Variants in KRT72 observed in about 807,000 individuals in gnomAD.
The protein encoded by KRT72 is keratin, type II cytoskeletal 72.
In KRT72, 44 loss-of-function variants were observed where a neutral mutation model predicts 44.7. The observed-to-expected ratio is 0.98, with a 90% confidence interval of 0.77 to 1.27. The LOEUF is 1.27. KRT72 is among the 50% of genes most tolerant of loss of function. KRT72 has a pLI of 0.00. For missense variants in KRT72, 736 were observed against 667.1 expected, an observed-to-expected ratio of 1.10 and a Z score of -1.14; for synonymous variants, 302 against 280.4, an observed-to-expected ratio of 1.08 and a Z score of -0.77.
Position 52,586,124 on chromosome 12 carries a change from A to G in KRT72, c.1394T>C (p.Met465Thr). 6.2e-7 allele frequency: 1 copy of G among 1,614,150 alleles called. No individual in the cohort carries two copies. The highest frequency in any genetic ancestry group is 1.3e-5 in the African/African-American group (1 of 75,074). Reference protein sequence around the residue: ...NAGAGGAGFSMGFGASSSYSY... With the variant: ...NAGAGGAGFSTGFGASSSYSY... ...ATAACTGCTTGAGGCGCCAAAGCCC[A>G]TGCTGAAGCCAGCCCCTCCTGCCCC... The change falls in exon 9 of 9, where the codon ATG becomes ACG. Residue 465 changes from methionine to threonine, a missense_variant. Transcript: ENST00000293745.
At chr12:52,591,369 C>CACACAT in intron 5 of KRT72, 95 bp downstream of exon 5, 1 of 1,358,456 alleles carries the variant, frequency 7.4e-7, no homozygotes, top group Non-Finnish European at 1.0e-6. Flanking sequence ...TACACACACA[C>CACACAT]ACACAAACAC....
At position 52,592,276 on chromosome 12, in the gene KRT72, G is replaced by A. The variant is rs184654666; in HGVS notation, c.798+120C>T. On this transcript the variant is annotated intron_variant, in intron 4 of 8. Transcript: ENST00000293745. ...CCAGTAGGGCCTTGGTGAATGTCAG[G>A]GGCACCAGGTTGAAAGCTTTCTCCC... 13 of 713,402 alleles carry A rather than the reference G, an allele frequency of 1.8e-5. 1 individual carries two copies. In the South Asian group the frequency reaches 1.9e-4, roughly 10 times the overall value. 44.2% of individuals were successfully genotyped at this position (713,402 alleles called of 1,614,324 possible). A position where few individuals can be genotyped will look rare whatever the true frequency, so the allele number is the denominator to read the frequency against.
rs1171878278 is a variant in KRT72 at position 52,601,275 on chromosome 12, G to C, written c.178C>G (p.Leu60Val). 1 of 1,554,814 alleles carries C rather than the reference G, an allele frequency of 6.4e-7. No individual in the cohort carries two copies. The highest frequency in any genetic ancestry group is 8.7e-7 in the Non-Finnish European group (1 of 1,150,442). The stretch of plus-strand genomic sequence containing the variant: ...CCGCCCCGCCGTGCAGCAGCGCTGA[G>C]CGCCAGGCTTCGGCTGCCCCCAAGG... ...SCLGGSRSLA[L>V]SAAARRGGGR... Residue 60 changes from leucine (L) to valine (V), a missense_variant, in exon 1 of 9, where the codon CTC becomes GTC. Physicochemically the swap from Leu to Val is conservative, Grantham distance 32 (BLOSUM62 1). Coordinates refer to ENST00000293745, the MANE Select transcript of KRT72 (RefSeq NM_080747.3).
intron 6 of KRT72, among the ~76,000 whole-genome samples, chr12:52,590,532 C>A (rs148903316): frequency 6.6e-6 from 1 of 152,344 alleles, no homozygotes; most frequent in East Asian, 1.9e-4. Context: ...CTGTGCACAT[C>A]ACTACCTAGG....
intron 2 of KRT72, among the ~76,000 whole-genome samples, chr12:52,597,096 T>C (rs1409137886): frequency 6.6e-6 from 1 of 152,210 alleles, no homozygotes; most frequent in Non-Finnish European, 1.5e-5. Flanking sequence ...CAATGAGTGA[T>C]GTGGCTATTA....
upstream of KRT72, chr12:52,601,543 T>C: frequency 7.5e-7 from 1 of 1,341,810 alleles, no homozygotes; most frequent in Non-Finnish European, 1.0e-6. Context: ...TTAAATAGCC[T>C]GGCTGGCTGG....
rs1939842645 is a variant in KRT72, at chr12:52,587,853, T to G, written c.1090-2A>C. 6.2e-7 allele frequency: 1 copy of G among 1,613,516 alleles called. No individual in the cohort carries two copies. The highest frequency in any genetic ancestry group is 1.3e-5 in the African/African-American group (1 of 75,056). ...GATGGCCGTCTCCAGATCGGCACAC[T>G]GAGGGGCAAACAGATCCAGCACTTA... is the stretch of plus-strand genomic sequence containing the variant. On this transcript the variant is annotated splice_acceptor_variant, in intron 6 of 8. Transcript: ENST00000293745. LOFTEE classifies it high-confidence loss of function.
intron 2 of KRT72, 57 bp downstream of exon 2, chr12:52,598,841 C>G: frequency 6.5e-7 from 1 of 1,544,054 alleles, no homozygotes; most frequent in East Asian, 2.3e-5. Flanking sequence ...CATCTCCAAA[C>G]GAAAACCTCA....
At chr12:52,587,095 C>T in intron 7 of KRT72, 115 bp from the exon 8 acceptor site, 1 of 923,958 alleles carries the variant, frequency 1.1e-6, no homozygotes, top group Non-Finnish European at 1.8e-6. Flanking sequence ...CAAACCCATC[C>T]TAGCCTCCTT....
Position 52,585,948 on chromosome 12 carries a change from A to G in KRT72, c.*34T>C, listed in dbSNP as rs1202719368. 6.3e-7 allele frequency: 1 copy of G among 1,584,010 alleles called. No individual in the cohort carries two copies. ...AGAGGGAGGAGACGGGTGAGTTGGG[A>G]AGCCTTCTGCTCACAGAGCCAACCA... On this transcript the variant is annotated 3_prime_UTR_variant, in exon 9 of 9. Transcript: ENST00000293745.
intron 3 of KRT72, 124 bp from the exon 4 acceptor site, chr12:52,592,615 G>T (rs1235461923): frequency 2.7e-6 from 2 of 729,850 alleles, no homozygotes; most frequent in Non-Finnish European, 4.6e-6. Flanking sequence ...GGCTCCCTGA[G>T]AGTCCCCTTC....
intron 2 of KRT72, among the ~76,000 whole-genome samples, chr12:52,595,154 T>C (rs1309937163): frequency 1.3e-5 from 2 of 152,148 alleles, no homozygotes; most frequent in Non-Finnish European, 2.9e-5. Context: ...ACATTAGCTG[T>C]AAATAATTTT....
At chr12:52,592,626 A>G in intron 3 of KRT72, 135 bp from the exon 4 acceptor site, 1 of 676,676 alleles carries the variant, frequency 1.5e-6, no homozygotes, top group Non-Finnish European at 2.5e-6. Context: ...AGTCCCCTTC[A>G]GTCCCTGAGA....
At chr12:52,588,037 C>T (rs897998540) in intron 6 of KRT72, among the ~76,000 whole-genome samples, 186 bp from the exon 7 acceptor site, 4 of 152,216 alleles carry the variant, frequency 2.6e-5, no homozygotes, top group Non-Finnish European at 5.9e-5. Flanking sequence ...TTCACCCTGG[C>T]TCATGCCTCT....
chr12:52,593,155 A>T (rs571406940), intron 2 of KRT72, among the ~76,000 whole-genome samples: 2 of 152,322 alleles, frequency 1.3e-5, no homozygotes, highest in Non-Finnish European at 2.9e-5. Flanking sequence ...GTGCCTGTGC[A>T]TTCTGTCTTA....
At position 52,590,864 on chromosome 12, in the gene KRT72, C is replaced by G. The variant is rs576034572; in HGVS notation, c.1061G>C (p.Arg354Pro). The G allele has an allele frequency of 1.9e-6, 3 of 1,595,792 alleles. No individual in the cohort carries two copies. The highest frequency in any genetic ancestry group is 2.6e-6 in the Non-Finnish European group (3 of 1,166,442). The stretch of plus-strand genomic sequence containing the variant: ...CTTCTTCACATTCCCTATCTCTGAG[C>G]GGATCCTCTGGATCAGGCGGTTGAG... ...SELNRLIQRIRSEIGNVKKQC... is the reference protein window; with the variant it reads ...SELNRLIQRIPSEIGNVKKQC... Residue 354 changes from arginine to proline, a missense_variant, in exon 6 of 9, where the codon CGC becomes CCC. Physicochemically the swap from Arg to Pro is moderately radical, Grantham distance 103. Transcript: ENST00000293745.
chr12:52,590,186 G>A (rs568493940), intron 6 of KRT72, among the ~76,000 whole-genome samples: 16 of 152,246 alleles, frequency 1.1e-4, no homozygotes, highest in Admixed American at 8.5e-4. Flanking sequence ...GTGGTTGCAC[G>A]GGTACTACCT....
At chr12:52,586,845 C>G in intron 8 of KRT72, 101 bp downstream of exon 8, 1 of 1,139,334 alleles carries the variant, frequency 8.8e-7, no homozygotes, top group Non-Finnish European at 1.3e-6. Context: ...CTCCCCTGAG[C>G]CCCCTCTGTC....
rs1159517257 is a variant in KRT72 at position 52,587,820 on chromosome 12, G to C, written c.1121C>G (p.Ala374Gly). Residue 374 changes from alanine (A) to glycine (G), a missense_variant, in exon 7 of 9, where the codon GCT becomes GGT. Transcript: ENST00000293745. ...CADLETAIAD[A>G]EQRGDCALKD... ...CAGGGCGCAGTCCCCCCGCTGTTCA[G>C]CGTCGGCGATGGCCGTCTCCAGATC... 3.0e-5 allele frequency: 48 copies of C among 1,614,028 alleles called. No homozygotes were observed. The highest frequency in any genetic ancestry group is 5.3e-5 in the African/African-American group (4 of 74,938).
Sources: allele counts gnomAD v4.1 joint callset (sites outside exome capture counted in the v4.1 genomes callset), GRCh38; gene constraint gnomAD v4.1.1; transcripts MANE v1.5; gene names NCBI Gene and HGNC (gene_info 2026-07-23, HGNC 2026-07-21).